Variants in PLXDC2 observed in about 807,000 individuals in gnomAD.
PLXDC2 encodes the protein plexin domain-containing protein 2.
In PLXDC2, 40 loss-of-function variants were observed where a neutral mutation model predicts 68.9. That is an observed-to-expected ratio of 0.58 (90% CI 0.45 to 0.76). The LOEUF (loss-of-function observed/expected upper bound fraction) is 0.76. PLXDC2 is among the 30% of genes least tolerant of loss of function. PLXDC2 has a pLI of 0.00. For missense variants in PLXDC2, 644 were observed against 661.9 expected (o/e 0.97, Z 0.30); for synonymous variants, 243 against 234.2 (o/e 1.04, Z -0.34).
intron 4 of PLXDC2, among the ~76,000 whole-genome samples, chr10:20,134,715 G>GAA (rs1833912779): frequency 1.3e-5 from 2 of 152,088 alleles, no homozygotes; most frequent in Admixed American, 6.6e-5. Context: ...ACTTTGTACC[G>GAA]GGTGCCACAT....
Position 20,282,339 on chromosome 10 carries a change from GT to G in PLXDC2, c.*2523del, listed in dbSNP as rs1261015307. ...TTGTTCCCATGTGAGAAAACATACA[GT>G]TTCTGAAAATTCAAAATGGTCATCA... On this transcript the variant is annotated 3_prime_UTR_variant, in exon 14 of 14. Transcript: ENST00000377252. The G allele has an allele frequency of 5.3e-5, 8 of 152,164 alleles. No individual in the cohort carries two copies. The highest frequency in any genetic ancestry group is 1.0e-4 in the Non-Finnish European group (7 of 67,984). 9.4% of individuals were successfully genotyped at this position (152,164 alleles called of 1,614,324 possible).
At chr10:20,051,221 C>CTACTTAA (rs1564296871) in intron 3 of PLXDC2, among the ~76,000 whole-genome samples, 2 of 151,218 alleles carry the variant, frequency 1.3e-5, no homozygotes, top group Non-Finnish European at 3.0e-5. Context: ...AAACAGACGC[C>CTACTTAA]GGAGTCTACT....
chr10:19,910,823 A>G (rs138103065), intron 1 of PLXDC2, among the ~76,000 whole-genome samples: 1 of 151,956 alleles, frequency 6.6e-6, no homozygotes, highest in Non-Finnish European at 1.5e-5. Context: ...AGCCTAGTGA[A>G]CATAGTGAAA....
chr10:19,887,590 G>A (rs1383264711), intron 1 of PLXDC2, among the ~76,000 whole-genome samples: 1 of 152,186 alleles, frequency 6.6e-6, no homozygotes, highest in Non-Finnish European at 1.5e-5. Context: ...TTATATGAGT[G>A]AAATGTTGCC....
chr10:19,947,486 T>C (rs772639279), intron 1 of PLXDC2, among the ~76,000 whole-genome samples: 9 of 152,344 alleles, frequency 5.9e-5, no homozygotes, highest in Admixed American at 1.3e-4. Flanking sequence ...CTCACTGATG[T>C]TCTGATAACA....
At chr10:20,251,347 A>G (rs1835673086) in intron 13 of PLXDC2, among the ~76,000 whole-genome samples, 1 of 152,214 alleles carries the variant, frequency 6.6e-6, no homozygotes, top group East Asian at 1.9e-4. Flanking sequence ...TTTTTAAAAA[A>G]ATGAAATTTA....
At chr10:19,819,063 C>CACACACACACACAA (rs550568547) in intron 1 of PLXDC2, among the ~76,000 whole-genome samples, 1 of 143,404 alleles carries the variant, frequency 7.0e-6, no homozygotes, top group African/African-American at 2.6e-5. Flanking sequence ...CACACACACA[C>CACACACACACACAA]AATACACACA....
intron 4 of PLXDC2, among the ~76,000 whole-genome samples, chr10:20,110,342 G>A (rs1833542708): frequency 6.6e-6 from 1 of 152,148 alleles, no homozygotes; most frequent in Non-Finnish European, 1.5e-5. Context: ...GGCAGTGAAT[G>A]ACAGACAGTA....
At chr10:19,993,908 C>A (rs1402249307) in intron 1 of PLXDC2, among the ~76,000 whole-genome samples, 2 of 152,220 alleles carry the variant, frequency 1.3e-5, no homozygotes, top group African/African-American at 4.8e-5. Flanking sequence ...AGGGCACTTG[C>A]ATCTTGGCCA....
intron 1 of PLXDC2, among the ~76,000 whole-genome samples, chr10:19,947,832 A>T (rs918235032): frequency 3.3e-5 from 5 of 151,202 alleles, no homozygotes; most frequent in Non-Finnish European, 5.9e-5. Context: ...GAAGAGATGG[A>T]TAGGTTTCGT....
intron 1 of PLXDC2, among the ~76,000 whole-genome samples, chr10:19,879,362 G>A (rs1837688273): frequency 6.6e-6 from 1 of 152,162 alleles, no homozygotes; most frequent in African/African-American, 2.4e-5. Flanking sequence ...TGATTTCTTG[G>A]TAAATATTAT....
At chr10:20,246,649 C>T (rs1385148427) in intron 13 of PLXDC2, among the ~76,000 whole-genome samples, 1 of 152,220 alleles carries the variant, frequency 6.6e-6, no homozygotes, top group Non-Finnish European at 1.5e-5. Flanking sequence ...CGTGCCTGGC[C>T]ACATGTGCAC....
chr10:19,824,359 T>C (rs1836533728), intron 1 of PLXDC2, among the ~76,000 whole-genome samples: 1 of 152,216 alleles, frequency 6.6e-6, no homozygotes, highest in African/African-American at 2.4e-5. Context: ...TCTTACCTTT[T>C]CTACCTTTTC....
intron 1 of PLXDC2, among the ~76,000 whole-genome samples, chr10:19,861,073 CT>C (rs1289881760): frequency 6.7e-6 from 1 of 149,828 alleles, no homozygotes; most frequent in African/African-American, 2.5e-5. Flanking sequence ...CTTGCTCTGT[CT>C]CTCAGGCTGG....
rs1298419410 is a variant in PLXDC2 at position 20,140,397 on chromosome 10, T to TATAC, written c.542-2895_542-2894insCATA. 8.7e-4 allele frequency among the ~76,000 whole-genome samples: 83 copies of TATAC among 94,948 alleles called. No individual in the cohort carries two copies. The South Asian group carries it at 0.026, about 30-fold the overall frequency. The allele number at this position is 94,948 out of a possible 152,430, so 62.3% of individuals were successfully genotyped here. A position where few individuals can be genotyped will look rare whatever the true frequency, so the allele number is the denominator to read the frequency against. Reference sequence around the variant, plus strand: ...GGACCAGAAAAATAACATATATATATATATAAAATATCTATCTATCTATCT... The same window carrying TATAC: ...GGACCAGAAAAATAACATATATATATATACATATAAAATATCTATCTATCTATCT... On this transcript the variant is annotated intron_variant, in intron 4 of 13. Coordinates refer to ENST00000377252, the MANE Select transcript of PLXDC2 (RefSeq NM_032812.9).
intron 5 of PLXDC2, among the ~76,000 whole-genome samples, chr10:20,146,692 T>C (rs981838236): frequency 6.6e-6 from 1 of 152,104 alleles, no homozygotes; most frequent in Non-Finnish European, 1.5e-5. Context: ...TCAAAAGAAA[T>C]ACATTTCTTT....
intron 1 of PLXDC2, among the ~76,000 whole-genome samples, chr10:19,945,750 C>T (rs756724304): frequency 4.6e-5 from 7 of 152,098 alleles, no homozygotes; most frequent in East Asian, 1.9e-4. Context: ...TGGATAGCAG[C>T]GAATTAACTG....
chr10:20,150,934 A>G lies in PLXDC2; in HGVS notation c.783+3032A>G, dbSNP rs565088917. On this transcript the variant is annotated intron_variant, in intron 6 of 13. Coordinates refer to ENST00000377252, the MANE Select transcript of PLXDC2 (RefSeq NM_032812.9). ...TTTTGTTATGGGGAATTTCAAGATG[A>G]CAGGCAAATTTAATGTTTTCTTGAT... 2.6e-5 allele frequency among the ~76,000 whole-genome samples: 4 copies of G among 152,316 alleles called. No homozygotes were observed. The East Asian group carries it at 7.7e-4, about 29-fold the overall frequency.
intron 9 of PLXDC2, among the ~76,000 whole-genome samples, chr10:20,178,455 A>G (rs1834558481): frequency 6.6e-6 from 1 of 152,080 alleles, no homozygotes; most frequent in Non-Finnish European, 1.5e-5. Flanking sequence ...CCTGCCCCCC[A>G]TGAAGTTTAC....
Sources: gnomAD v4.1 joint callset for allele counts (sites outside exome capture counted in the v4.1 genomes callset) on GRCh38, gnomAD v4.1.1 for gene constraint, MANE v1.5 for transcripts, NCBI Gene and HGNC (gene_info 2026-07-23, HGNC 2026-07-21) for gene names.